AGBL4: variants seen among roughly 807,000 people sequenced by gnomAD.
The protein encoded by AGBL4 is AGBL carboxypeptidase 4, also known as cytosolic carboxypeptidase 6.
AGBL4 carries 58 observed loss-of-function variants against 66.4 expected under a neutral mutation model. The ratio of observed to expected loss-of-function variants is 0.87; its 90% CI spans 0.71 to 1.09. The LOEUF is 1.09. Among genes scored for constraint, AGBL4 ranks in the 50% least tolerant of loss-of-function variants. The pLI is 0.00. For synonymous variants in AGBL4, 234 were observed against 222.9 expected, an observed-to-expected ratio of 1.05 and a Z score of -0.44; for missense variants, 579 against 631.0, an observed-to-expected ratio of 0.92 and a Z score of 0.88.
At chr1:49,576,805 T>G (rs936285755) in intron 3 of AGBL4, among the ~76,000 whole-genome samples, 3 of 152,026 alleles carry the variant, frequency 2.0e-5, no homozygotes, top group Non-Finnish European at 4.4e-5. Context: ...CTATGATCAG[T>G]TGACAGAGAG....
At chr1:49,489,596 A>T (rs1647146057) in intron 3 of AGBL4, among the ~76,000 whole-genome samples, 2 of 151,878 alleles carry the variant, frequency 1.3e-5, no homozygotes. Context: ...GGTATTACTC[A>T]AGAAATCTTT....
At chr1:48,776,575 T>G in intron 6 of AGBL4, 12 of 862,140 alleles carry the variant, frequency 1.4e-5, no homozygotes, top group Non-Finnish European at 1.5e-5. Flanking sequence ...CCCGCCCGGG[T>G]CCCACCGTCC....
At chr1:49,143,863 C>T (rs1646164855) in intron 4 of AGBL4, among the ~76,000 whole-genome samples, 1 of 152,192 alleles carries the variant, frequency 6.6e-6, no homozygotes, top group Admixed American at 6.5e-5. Flanking sequence ...TGACTCTCAC[C>T]ATTTTATCTC....
At chr1:49,474,599 T>C (rs1646810661) in intron 3 of AGBL4, among the ~76,000 whole-genome samples, 1 of 151,936 alleles carries the variant, frequency 6.6e-6, no homozygotes, top group Non-Finnish European at 1.5e-5. Flanking sequence ...TTGAACTTTT[T>C]TTTTTGGTGT....
intron 2 of AGBL4, among the ~76,000 whole-genome samples, chr1:49,799,728 T>C (rs999062796): frequency 5.3e-5 from 8 of 152,116 alleles, no homozygotes; most frequent in African/African-American, 1.9e-4. Context: ...CATATGACAT[T>C]ATAAAAGAAT....
At chr1:49,090,702 C>A (rs1163541691) in intron 4 of AGBL4, among the ~76,000 whole-genome samples, 2 of 151,936 alleles carry the variant, frequency 1.3e-5, no homozygotes, top group African/African-American at 4.8e-5. Flanking sequence ...TATCAAACTA[C>A]CAATGACACT....
At chr1:48,793,097 T>C (rs1291536516) in intron 6 of AGBL4, among the ~76,000 whole-genome samples, 2 of 152,242 alleles carry the variant, frequency 1.3e-5, no homozygotes, top group African/African-American at 4.8e-5. Context: ...TTACTGTCTC[T>C]GGTTCTGATG....
intron 3 of AGBL4, among the ~76,000 whole-genome samples, chr1:49,486,138 CCA>C (rs1165549651): frequency 6.6e-6 from 1 of 151,842 alleles, no homozygotes; most frequent in Non-Finnish European, 1.5e-5. Flanking sequence ...TTGTCAGACC[CCA>C]GAGTCTGTCT....
chr1:49,646,967 CAAA>C (rs573759531), intron 3 of AGBL4, among the ~76,000 whole-genome samples: 1 of 138,198 alleles, frequency 7.2e-6, no homozygotes, highest in Admixed American at 7.3e-5. Flanking sequence ...ATCCATAGAC[CAAA>C]AAAAAAAAAT....
chr1:49,423,902 A>T (rs942679157), intron 3 of AGBL4, among the ~76,000 whole-genome samples: 2 of 151,952 alleles, frequency 1.3e-5, no homozygotes, highest in Admixed American at 1.3e-4. Flanking sequence ...TCCCCAGCTC[A>T]TTAGTGAATA....
intron 3 of AGBL4, among the ~76,000 whole-genome samples, chr1:49,357,147 A>G (rs1360210120): frequency 6.6e-6 from 1 of 152,226 alleles, no homozygotes; most frequent in African/African-American, 2.4e-5. Flanking sequence ...GGCTGGGCCA[A>G]CAAAGAAGAC....
chr1:49,915,888 T>A (rs1205974722), intron 1 of AGBL4, among the ~76,000 whole-genome samples: 2 of 152,094 alleles, frequency 1.3e-5, no homozygotes, highest in Non-Finnish European at 2.9e-5. Context: ...AGACGAAGCT[T>A]CCAGAGGAAT....
At chr1:48,538,810 G>A (rs1352867070) in intron 12 of AGBL4, among the ~76,000 whole-genome samples, 3 of 152,248 alleles carry the variant, frequency 2.0e-5, no homozygotes, top group African/African-American at 7.2e-5. Flanking sequence ...ACATACATGA[G>A]CAAGGTCATG....
At chr1:49,985,423 T>C (rs1345599411) in intron 1 of AGBL4, among the ~76,000 whole-genome samples, 1 of 152,150 alleles carries the variant, frequency 6.6e-6, no homozygotes, top group Non-Finnish European at 1.5e-5. Context: ...GTATTTTCTC[T>C]ATAGTGATGG....
At chr1:49,238,872 C>T (rs1650996142) in intron 4 of AGBL4, among the ~76,000 whole-genome samples, 1 of 152,020 alleles carries the variant, frequency 6.6e-6, no homozygotes. Flanking sequence ...ATACATGTGG[C>T]AAAAAGGAAA....
rs186935935 is a variant in AGBL4 at position 49,579,594 on chromosome 1, C to T, written c.282+117719G>A. Among the ~76,000 whole-genome samples the T allele has an allele frequency of 3.7e-4, 56 of 152,160 alleles. No individual in the cohort carries two copies. In the South Asian group the frequency reaches 5.8e-3, roughly 16 times the overall value. ...GGCTCACTGCAAGCTCCACCTCCCACGTTGACGCCATTCTCCTGCCTCAGC... is the reference window on the plus strand; with the variant it reads ...GGCTCACTGCAAGCTCCACCTCCCATGTTGACGCCATTCTCCTGCCTCAGC... On this transcript the variant is annotated intron_variant, in intron 3 of 13. Coordinates refer to ENST00000371839, the MANE Select transcript of AGBL4 (RefSeq NM_032785.4).
chr1:48,885,187 C>A (rs981133251), intron 5 of AGBL4, among the ~76,000 whole-genome samples: 2 of 152,014 alleles, frequency 1.3e-5, no homozygotes, highest in Non-Finnish European at 2.9e-5. Context: ...TTAAATGATT[C>A]AAAACAGACA....
chr1:49,434,194 G>T (rs1645849361), intron 3 of AGBL4, among the ~76,000 whole-genome samples: 3 of 151,976 alleles, frequency 2.0e-5, no homozygotes, highest in Non-Finnish European at 4.4e-5. Context: ...ATGGGGAGAG[G>T]TAGTAGAAAC....
intron 6 of AGBL4, among the ~76,000 whole-genome samples, chr1:48,858,819 T>C (rs1465038475): frequency 6.6e-6 from 1 of 152,176 alleles, no homozygotes; most frequent in African/African-American, 2.4e-5. Context: ...ATGAGGATTT[T>C]ATGGCATGTG....
Sources: allele counts gnomAD v4.1 joint callset (sites outside exome capture counted in the v4.1 genomes callset), GRCh38; gene constraint gnomAD v4.1.1; transcripts MANE v1.5; gene names NCBI Gene and HGNC (gene_info 2026-07-23, HGNC 2026-07-21).